Variants in DOCK4 observed in about 807,000 individuals in gnomAD.
DOCK4 encodes dedicator of cytokinesis 4.
DOCK4 carries 97 observed loss-of-function variants against 268.1 expected under a neutral mutation model. That is an observed-to-expected ratio of 0.36 (90% CI 0.31 to 0.43). The LOEUF is 0.43. Among genes scored for constraint, DOCK4 ranks in the 20% least tolerant of loss-of-function variants. The pLI is 1.00. For missense variants in DOCK4, 2,145 were observed against 2,455.7 expected (o/e 0.87, Z 2.67); for synonymous variants, 954 against 887.2 (o/e 1.08, Z -1.34).
At chr7:112,099,520 G>GT (rs1261190807) in intron 1 of DOCK4, among the ~76,000 whole-genome samples, 2 of 152,126 alleles carry the variant, frequency 1.3e-5, no homozygotes, top group Admixed American at 6.5e-5. Context: ...GTACTTCACT[G>GT]TAAGTCCCAT....
chr7:111,781,960 T>G (rs952182418), intron 35 of DOCK4, among the ~76,000 whole-genome samples: 1 of 152,194 alleles, frequency 6.6e-6, no homozygotes, highest in Non-Finnish European at 1.5e-5. Flanking sequence ...GTGCAAGAAC[T>G]TAGAATGTAA....
At chr7:112,167,471 A>G (rs1018650937) in intron 1 of DOCK4, among the ~76,000 whole-genome samples, 1 of 152,238 alleles carries the variant, frequency 6.6e-6, no homozygotes, top group Non-Finnish European at 1.5e-5. Context: ...AAAGGCCATG[A>G]AAATACTCAC....
In DOCK4 at chr7:111,949,745, T is replaced by C. The variant is rs1795903361; in HGVS notation, c.702-3947A>G. On this transcript the variant is annotated intron_variant, in intron 8 of 52. Transcript: ENST00000428084. ...AACTCAAATCAATTTATCTTCTGCT[T>C]TAGTGATACAGCCACTAATCACTCA... Among the ~76,000 whole-genome samples the C allele has an allele frequency of 2.0e-5, 3 of 152,232 alleles. No homozygotes were observed. The South Asian group carries it at 6.2e-4, about 32-fold the overall frequency.
chr7:111,892,540 G>A (rs1006496241), intron 16 of DOCK4, among the ~76,000 whole-genome samples: 10 of 152,082 alleles, frequency 6.6e-5, no homozygotes, highest in African/African-American at 1.9e-4. Context: ...ATGTGTTTTC[G>A]CAATAAGAGG....
At chr7:111,899,561 T>C (rs954282204) in intron 15 of DOCK4, among the ~76,000 whole-genome samples, 5 of 152,164 alleles carry the variant, frequency 3.3e-5, no homozygotes, top group African/African-American at 1.2e-4. Context: ...TGAGAAGGGA[T>C]AACTTTATGG....
chr7:111,777,247 A>C (rs979591383), intron 36 of DOCK4, among the ~76,000 whole-genome samples: 1 of 152,228 alleles, frequency 6.6e-6, no homozygotes, highest in Non-Finnish European at 1.5e-5. Context: ...TATCCAGTAA[A>C]CATATCCTTC....
chr7:111,748,797 G>C (rs1238084388), intron 42 of DOCK4, among the ~76,000 whole-genome samples: 1 of 152,044 alleles, frequency 6.6e-6, no homozygotes, highest in Non-Finnish European at 1.5e-5. Context: ...CAGGAAACAT[G>C]TACAAAAATG....
chr7:111,985,372 T>C (rs1480317800), intron 6 of DOCK4, among the ~76,000 whole-genome samples: 2 of 152,190 alleles, frequency 1.3e-5, no homozygotes, highest in Admixed American at 1.3e-4. Context: ...TCTCTGAGGA[T>C]CACTTGTTCT....
chr7:112,097,778 C>T (rs961093997), intron 1 of DOCK4, among the ~76,000 whole-genome samples: 1 of 152,186 alleles, frequency 6.6e-6, no homozygotes, highest in African/African-American at 2.4e-5. Flanking sequence ...TATTACTACC[C>T]TGAGATGCAG....
intron 26 of DOCK4, among the ~76,000 whole-genome samples, chr7:111,824,604 T>A (rs1473162665): frequency 6.6e-6 from 1 of 152,122 alleles, no homozygotes; most frequent in African/African-American, 2.4e-5. Context: ...GGTGGGGGAC[T>A]GTGCTGTCAG....
chr7:112,038,253 C>T (rs1804021017), intron 1 of DOCK4, among the ~76,000 whole-genome samples: 1 of 152,076 alleles, frequency 6.6e-6, no homozygotes, highest in African/African-American at 2.4e-5. Context: ...AAAATGAGTA[C>T]ATCTCATTTT....
chr7:112,099,485 T>C (rs1411165199), intron 1 of DOCK4, among the ~76,000 whole-genome samples: 1 of 152,178 alleles, frequency 6.6e-6, no homozygotes, highest in East Asian at 1.9e-4. Context: ...TTTACTTGTG[T>C]TTACTCATTC....
intron 1 of DOCK4, among the ~76,000 whole-genome samples, chr7:112,009,894 G>A (rs888990604): frequency 6.6e-6 from 1 of 152,192 alleles, no homozygotes; most frequent in African/African-American, 2.4e-5. Flanking sequence ...TCAGCTCACT[G>A]AAACCTCCAC....
At chr7:112,013,064 C>G (rs549350275) in intron 1 of DOCK4, among the ~76,000 whole-genome samples, 34 of 152,210 alleles carry the variant, frequency 2.2e-4, no homozygotes, top group Non-Finnish European at 2.9e-5. Context: ...TTTAAAATGC[C>G]CAGCTTATTT....
At chr7:111,784,532 A>T (rs547429527) in intron 32 of DOCK4, 10 of 454,100 alleles carry the variant, frequency 2.2e-5, no homozygotes, top group South Asian at 1.6e-4. Flanking sequence ...CTGTGCACTC[A>T]CTCAACAGTT....
chr7:111,960,461 T>C (rs1210127984), intron 8 of DOCK4, among the ~76,000 whole-genome samples: 1 of 150,250 alleles, frequency 6.7e-6, no homozygotes, highest in African/African-American at 2.4e-5. Context: ...TACGTATACA[T>C]TGTGGAATGG....
chr7:112,170,809 A>C (rs1318513115), intron 1 of DOCK4, among the ~76,000 whole-genome samples: 1 of 152,244 alleles, frequency 6.6e-6, no homozygotes, highest in East Asian at 1.9e-4. Context: ...GATACTGTAC[A>C]CAGAAATATT....
At chr7:112,179,714 C>T (rs1026954887) in intron 1 of DOCK4, among the ~76,000 whole-genome samples, 1 of 151,896 alleles carries the variant, frequency 6.6e-6, no homozygotes, top group Admixed American at 6.6e-5. Flanking sequence ...TACAAAAACC[C>T]AGCTTAATTA....
intron 1 of DOCK4, among the ~76,000 whole-genome samples, chr7:112,042,602 C>T (rs180722566): frequency 9.2e-5 from 14 of 152,272 alleles, no homozygotes; most frequent in Admixed American, 7.8e-4. Flanking sequence ...TATGCATAAT[C>T]GATACAAAAT....
Sources: allele counts gnomAD v4.1 joint callset (sites outside exome capture counted in the v4.1 genomes callset), GRCh38; gene constraint gnomAD v4.1.1; transcripts MANE v1.5; gene names NCBI Gene and HGNC (gene_info 2026-07-23, HGNC 2026-07-21).